ZMAT3: variants seen among roughly 807,000 people sequenced by gnomAD.
ZMAT3 encodes the protein zinc finger matrin-type protein 3.
In ZMAT3, 17 loss-of-function variants were observed where a neutral mutation model predicts 32.3. The observed-to-expected ratio is 0.53, with a 90% confidence interval of 0.36 to 0.79. The LOEUF (loss-of-function observed/expected upper bound fraction) is 0.79, where lower values mean the gene tolerates loss of function less well. ZMAT3 is among the 30% of genes least tolerant of loss of function. The pLI, the probability that ZMAT3 is intolerant of heterozygous loss-of-function variation, is 0.00. For missense variants in ZMAT3, 329 were observed against 359.7 expected (o/e 0.91, Z 0.69); for synonymous variants, 120 against 133.1 (o/e 0.90, Z 0.68).
In ZMAT3 at chr3:179,024,361, G is replaced by A. The variant is rs985045057; in HGVS notation, c.*656C>T. 6.6e-6 allele frequency: 1 copy of A among 152,298 alleles called. No homozygotes were observed. The highest frequency in any genetic ancestry group is 2.4e-5 in the African/African-American group (1 of 41,424). The allele number at this position is 152,298 out of a possible 1,614,324, so 9.4% of individuals were successfully genotyped here. ...CCTACTGACAATGCATTGAGGTGGC[G>A]GTTCTGGTTAAGCCCTGGGAAACTG... On this transcript the variant is annotated 3_prime_UTR_variant, in exon 6 of 6. Coordinates refer to ENST00000311417, the MANE Select transcript of ZMAT3 (RefSeq NM_022470.4).
In ZMAT3 at chr3:179,023,179, G is replaced by C. The variant is rs1323402075; in HGVS notation, c.*1838C>G. The C allele has an allele frequency of 1.8e-5, 2 of 112,582 alleles. No homozygotes were observed. Among genetic ancestry groups the C allele is most frequent in the East Asian group, 4.9e-4 (2 of 4,060 alleles). The allele number at this position is 112,582 out of a possible 1,614,324, so 7.0% of individuals were successfully genotyped here. A position where few individuals can be genotyped will look rare whatever the true frequency, so the allele number is the denominator to read the frequency against. The stretch of plus-strand genomic sequence containing the variant: ...TTATAGCTTCTTTTTTTTTTTTTTT[G>C]GAGACGGAGTATTGCTCTGTCGCCC... On this transcript the variant is annotated 3_prime_UTR_variant, in exon 6 of 6. Transcript: ENST00000311417.
chr3:179,049,864 C>G (rs373192716), intron 2 of ZMAT3, among the ~76,000 whole-genome samples: 5 of 151,416 alleles, frequency 3.3e-5, no homozygotes, highest in Non-Finnish European at 7.4e-5. Flanking sequence ...TGGTGGTGGG[C>G]GCCTGTAGTC....
intron 2 of ZMAT3, among the ~76,000 whole-genome samples, chr3:179,032,908 G>A (rs1015582519): frequency 2.0e-5 from 3 of 147,930 alleles, no homozygotes; most frequent in Admixed American, 1.3e-4. Context: ...TCTGGGAGGT[G>A]GGGGGGCGTC....
chr3:179,046,846 C>T lies in ZMAT3; in HGVS notation c.271-15847G>A, dbSNP rs1048893792. Among the ~76,000 whole-genome samples the T allele has an allele frequency of 1.3e-5, 2 of 152,176 alleles. No homozygotes were observed. The highest frequency in any genetic ancestry group is 4.8e-5 in the African/African-American group (2 of 41,420). On this transcript the variant is annotated intron_variant, in intron 2 of 5. Transcript: ENST00000311417. This position sits in a 1 kb window ranked among gnomAD's most constrained non-coding sequence, Gnocchi z 4.3. The stretch of plus-strand genomic sequence containing the variant: ...CCCCTATTCCCCATAGCAGCTGCAG[C>T]AAGCCCCACCCAAGGAGAGACTGAC...
intron 2 of ZMAT3, among the ~76,000 whole-genome samples, chr3:179,041,993 G>T (rs1417751438): frequency 1.3e-5 from 2 of 152,122 alleles, no homozygotes; most frequent in Non-Finnish European, 2.9e-5. Context: ...AGAAGAAATG[G>T]ATAAACTCCT....
intron 2 of ZMAT3, among the ~76,000 whole-genome samples, chr3:179,040,901 CAAAAA>C (rs55945452): frequency 1.5e-5 from 2 of 131,580 alleles, no homozygotes. Flanking sequence ...AAATGGAAAG[CAAAAA>C]AAAAAAAAAA....
intron 3 of ZMAT3, 92 bp downstream of exon 3, chr3:179,030,788 T>C: frequency 2.7e-6 from 4 of 1,507,736 alleles, no homozygotes; most frequent in Non-Finnish European, 3.6e-6. Context: ...TGTACCCTAA[T>C]GGACACATGG....
rs1408947164 is a variant in ZMAT3, at chr3:179,029,656, T to G, written c.390+1224A>C. 2.0e-5 allele frequency among the ~76,000 whole-genome samples: 3 copies of G among 151,886 alleles called. No homozygotes were observed. In the East Asian group the frequency reaches 5.8e-4, roughly 29 times the overall value. On this transcript the variant is annotated intron_variant, in intron 3 of 5. Coordinates refer to ENST00000311417, the MANE Select transcript of ZMAT3 (RefSeq NM_022470.4). ...AAAAATTAAATTTAATGCAAAAAATTAAGGATGAATAAAATACCAAAATTT... is the reference window on the plus strand; with the variant it reads ...AAAAATTAAATTTAATGCAAAAAATGAAGGATGAATAAAATACCAAAATTT...
At position 179,024,590 on chromosome 3, in the gene ZMAT3, A is replaced by G. The variant is rs1467884746; in HGVS notation, c.*427T>C. The G allele has an allele frequency of 6.0e-6, 1 of 165,492 alleles. No homozygotes were observed. Among genetic ancestry groups the G allele is most frequent in the Non-Finnish European group, 1.3e-5 (1 of 74,446 alleles). The allele number at this position is 165,492 out of a possible 1,614,324, so 10.3% of individuals were successfully genotyped here. ...CCCTGGGAAACTGAAATCTCTGCCA[A>G]CCTATTTTTACTGTGATCTAAAAAG... On this transcript the variant is annotated 3_prime_UTR_variant, in exon 6 of 6. Transcript: ENST00000311417.
chr3:179,038,432 G>C (rs1314944836), intron 2 of ZMAT3, among the ~76,000 whole-genome samples: 2 of 152,062 alleles, frequency 1.3e-5, no homozygotes, highest in Non-Finnish European at 2.9e-5. Flanking sequence ...AGAAAAATGA[G>C]GCAGGCATGG....
intron 3 of ZMAT3, among the ~76,000 whole-genome samples, chr3:179,029,256 T>A (rs1719051728): frequency 1.3e-5 from 2 of 152,094 alleles, no homozygotes; most frequent in African/African-American, 4.8e-5. Context: ...TCTAATAAAC[T>A]TCAGTGAGGC....
chr3:179,038,513 G>A (rs1318484771), intron 2 of ZMAT3, among the ~76,000 whole-genome samples: 1 of 152,214 alleles, frequency 6.6e-6, no homozygotes, highest in East Asian at 1.9e-4. Flanking sequence ...AGAAGGTTGA[G>A]GTTGCAGTGA....
At chr3:179,056,906 C>A (rs1720876078) in intron 2 of ZMAT3, among the ~76,000 whole-genome samples, 1 of 152,134 alleles carries the variant, frequency 6.6e-6, no homozygotes, top group Admixed American at 6.5e-5. Context: ...CTAGCAAAAG[C>A]AGGGGCCATT....
intron 2 of ZMAT3, among the ~76,000 whole-genome samples, chr3:179,038,645 A>G (rs1201549374): frequency 2.0e-5 from 3 of 152,190 alleles, no homozygotes; most frequent in African/African-American, 7.2e-5. Context: ...AGCGTGATCA[A>G]TGCAGCAGAC....
chr3:179,036,710 T>C (rs1196943183), intron 2 of ZMAT3, among the ~76,000 whole-genome samples: 1 of 152,142 alleles, frequency 6.6e-6, no homozygotes, highest in African/African-American at 2.4e-5. Flanking sequence ...GACATCTTAA[T>C]GAATCCAAGA....
Position 179,023,689 on chromosome 3 carries a change from A to AATATATATAT in ZMAT3, c.*1327_*1328insATATATATAT, listed in dbSNP as rs1232846996. 1.7e-3 allele frequency: 73 copies of AATATATATAT among 42,260 alleles called. 11 individuals carry two copies. The highest frequency in any genetic ancestry group is 0.011 in the East Asian group (10 of 914). 2.6% of individuals were successfully genotyped at this position (42,260 alleles called of 1,614,324 possible). ...CTTTGTTTCCTAAAAACTGCTGGAA[A>AATATATATAT]ATATATCTATATATATATATATTTT... On this transcript the variant is annotated 3_prime_UTR_variant, in exon 6 of 6. Transcript: ENST00000311417.
chr3:179,068,721 T>C (rs1721553627), intron 1 of ZMAT3, among the ~76,000 whole-genome samples: 1 of 152,156 alleles, frequency 6.6e-6, no homozygotes, highest in South Asian at 2.1e-4. Context: ...AATATTTAAG[T>C]AGTTGAGCAA....
At chr3:179,068,461 G>A (rs571387964) in intron 1 of ZMAT3, among the ~76,000 whole-genome samples, 5 of 151,978 alleles carry the variant, frequency 3.3e-5, no homozygotes, top group Admixed American at 6.5e-5. Context: ...GTCGTGAGCC[G>A]AGATCGTGCC....
chr3:179,038,991 A>G (rs577945231), intron 2 of ZMAT3, among the ~76,000 whole-genome samples: 7 of 152,368 alleles, frequency 4.6e-5, no homozygotes, highest in Non-Finnish European at 8.8e-5. Context: ...ACTGCAAGGC[A>G]GCAGCCTGGC....
Sources: gnomAD v4.1 joint callset for allele counts (sites outside exome capture counted in the v4.1 genomes callset) on GRCh38, gnomAD v4.1.1 for gene constraint, Gnocchi (gnomAD v3.1) non-coding constraint, MANE v1.5 for transcripts, NCBI Gene and HGNC (gene_info 2026-07-23, HGNC 2026-07-21) for gene names.